NAALADL2: variants seen among roughly 807,000 people sequenced by gnomAD.
NAALADL2 encodes inactive N-acetylated-alpha-linked acidic dipeptidase-like protein 2.
NAALADL2 carries 76 observed loss-of-function variants against 87.2 expected under a neutral mutation model. The observed-to-expected ratio is 0.87, with a 90% CI of 0.72 to 1.05. NAALADL2 has a LOEUF of 1.05. NAALADL2 is among the 50% of genes least tolerant of loss of function. The pLI, the probability that NAALADL2 is intolerant of heterozygous loss-of-function variation, is 0.00. For missense variants in NAALADL2, 1,089 were observed against 945.8 expected (o/e 1.15, Z -1.99); for synonymous variants, 354 against 331.0 (o/e 1.07, Z -0.75).
intron 1 of NAALADL2, among the ~76,000 whole-genome samples, chr3:174,442,366 T>C (rs1274714053): frequency 1.7e-5 from 2 of 120,484 alleles, no homozygotes; most frequent in African/African-American, 6.4e-5. Flanking sequence ...TAACAATACT[T>C]TCACCTTTAA....
chr3:174,634,575 G>T (rs1722448508), intron 2 of NAALADL2, among the ~76,000 whole-genome samples: 1 of 151,996 alleles, frequency 6.6e-6, no homozygotes, highest in African/African-American at 2.4e-5. Context: ...CTTGCTTTTG[G>T]ATGGTAGTCA....
At chr3:175,722,482 A>C (rs1374509188) in intron 11 of NAALADL2, among the ~76,000 whole-genome samples, 2 of 152,154 alleles carry the variant, frequency 1.3e-5, no homozygotes, top group African/African-American at 4.8e-5. Context: ...CCAGTTGTTT[A>C]AATAAGTTGA....
chr3:175,229,844 C>T (rs1462494362), intron 2 of NAALADL2, among the ~76,000 whole-genome samples: 1 of 151,952 alleles, frequency 6.6e-6, no homozygotes, highest in Non-Finnish European at 1.5e-5. Flanking sequence ...TTAGTGAGCT[C>T]ATTCCAATAT....
chr3:174,803,662 G>T (rs541224921), intron 3 of NAALADL2, among the ~76,000 whole-genome samples: 3 of 152,300 alleles, frequency 2.0e-5, no homozygotes, highest in Non-Finnish European at 2.9e-5. Context: ...TGTAAGGAAG[G>T]AATCCAGTTT....
At chr3:174,715,151 A>T (rs1250179095) in intron 2 of NAALADL2, among the ~76,000 whole-genome samples, 2 of 152,206 alleles carry the variant, frequency 1.3e-5, no homozygotes, top group African/African-American at 4.8e-5. Context: ...GGTTTAAGAT[A>T]AATCTATCCA....
intron 1 of NAALADL2, among the ~76,000 whole-genome samples, chr3:174,543,553 T>C (rs1269627337): frequency 6.6e-6 from 1 of 152,140 alleles, no homozygotes; most frequent in Non-Finnish European, 1.5e-5. Flanking sequence ...TTTTCCTTTC[T>C]TCTTTCCCTC....
chr3:175,268,669 T>C (rs564143973), intron 4 of NAALADL2, among the ~76,000 whole-genome samples: 19 of 152,160 alleles, frequency 1.2e-4, no homozygotes, highest in Non-Finnish European at 2.5e-4. Context: ...TATATCCTTG[T>C]TCTATAGAAG....
At chr3:174,748,357 A>G (rs1023167684) in intron 3 of NAALADL2, among the ~76,000 whole-genome samples, 1 of 150,254 alleles carries the variant, frequency 6.7e-6, no homozygotes, top group African/African-American at 2.5e-5. Flanking sequence ...AGAGGCCACT[A>G]GAAGGTGGCC....
chr3:175,705,248 A>G, intron 11 of NAALADL2, among the ~76,000 whole-genome samples: 1 of 152,156 alleles, frequency 6.6e-6, no homozygotes, highest in East Asian at 1.9e-4. Context: ...CCATAGAGTA[A>G]AAAACGACAT....
intron 4 of NAALADL2, among the ~76,000 whole-genome samples, chr3:175,316,445 C>A (rs79300702): frequency 0.013 from 1,932 of 152,212 alleles, 41 homozygotes; most frequent in African/African-American, 0.044. Context: ...GACCTCCCAG[C>A]CTATCACATA....
chr3:174,927,392 C>A (rs1400349558), intron 1 of NAALADL2, among the ~76,000 whole-genome samples: 1 of 152,218 alleles, frequency 6.6e-6, no homozygotes, highest in African/African-American at 2.4e-5. Context: ...CACCTCAAAT[C>A]AACAGAATAT....
chr3:175,183,669 G>A (rs1321421198), intron 2 of NAALADL2, among the ~76,000 whole-genome samples: 3 of 151,928 alleles, frequency 2.0e-5, no homozygotes, highest in East Asian at 1.9e-4. Flanking sequence ...CTCGGATCCC[G>A]GTGATAAATT....
chr3:175,319,648 C>T (rs4894712), intron 4 of NAALADL2, among the ~76,000 whole-genome samples: 33,776 of 151,842 alleles, frequency 0.22, 3,852 homozygotes, highest in African/African-American at 0.25. Context: ...GGTGAAAGCA[C>T]GTATCTACTA....
At chr3:174,813,382 C>G (rs1370685401) in intron 3 of NAALADL2, among the ~76,000 whole-genome samples, 1 of 82,842 alleles carries the variant, frequency 1.2e-5, no homozygotes, top group Non-Finnish European at 2.5e-5. Flanking sequence ...TTTTTTAATA[C>G]TCTATTTTTA....
intron 6 of NAALADL2, among the ~76,000 whole-genome samples, chr3:175,447,854 T>C (rs896348467): frequency 6.6e-6 from 1 of 152,192 alleles, no homozygotes; most frequent in African/African-American, 2.4e-5. Context: ...CAGTGCCGTT[T>C]GTCAGGCCTT....
intron 5 of NAALADL2, among the ~76,000 whole-genome samples, chr3:175,339,399 G>T (rs16825471): frequency 0.11 from 16,977 of 152,120 alleles, 1,516 homozygotes; most frequent in African/African-American, 0.25. Context: ...TTCACAATTT[G>T]AGATTTCTAT....
At chr3:174,532,815 C>T (rs1721363724) in intron 1 of NAALADL2, among the ~76,000 whole-genome samples, 1 of 152,096 alleles carries the variant, frequency 6.6e-6, no homozygotes, top group Admixed American at 6.6e-5. Flanking sequence ...GGAAATCTAT[C>T]ACATTAAGTT....
At chr3:175,172,480 C>T (rs1485759839) in intron 2 of NAALADL2, among the ~76,000 whole-genome samples, 2 of 152,114 alleles carry the variant, frequency 1.3e-5, no homozygotes, top group African/African-American at 2.4e-5. Flanking sequence ...TTCTTCAGTG[C>T]TTAATGTCTT....
chr3:175,150,466 G>A (rs986667136), intron 2 of NAALADL2, among the ~76,000 whole-genome samples: 22 of 152,090 alleles, frequency 1.4e-4, no homozygotes, highest in African/African-American at 5.1e-4. Flanking sequence ...AGGTGCCAGT[G>A]CATCTATATG....
Sources: gnomAD v4.1 joint callset for allele counts (sites outside exome capture counted in the v4.1 genomes callset) on GRCh38, gnomAD v4.1.1 for gene constraint, MANE v1.5 for transcripts, NCBI Gene and HGNC (gene_info 2026-07-23, HGNC 2026-07-21) for gene names.